The following NBN variants were observed in gnomAD, a reference collection of about 807,000 sequenced individuals.
The protein encoded by NBN is nibrin, also known as Nijmegen breakage syndrome 1 (nibrin).
A neutral mutation model predicts 90.8 loss-of-function variants in NBN; 88 were observed. The ratio of observed to expected loss-of-function variants is 0.97; its 90% CI spans 0.82 to 1.16. The LOEUF (loss-of-function observed/expected upper bound fraction) is 1.16, where lower values mean the gene tolerates loss of function less well. NBN is among the 50% of genes most tolerant of loss of function. The pLI, the probability that NBN is intolerant of heterozygous loss-of-function variation, is 0.00. For missense variants in NBN, 894 were observed against 869.6 expected (o/e 1.03, Z -0.35); for synonymous variants, 328 against 295.1 (o/e 1.11, Z -1.14).
At chr8:89,938,877 T>G (rs973102746) in intron 14 of NBN, among the ~76,000 whole-genome samples, 1 of 152,184 alleles carries the variant, frequency 6.6e-6, no homozygotes, top group African/African-American at 2.4e-5. Flanking sequence ...TTTCTAAACA[T>G]TCTTAGAGGT....
rs777288661 is a variant in NBN, at chr8:89,958,870, G to C, written c.995-16C>G. ...GTCTTTAATCCTGTAAATCACACAA[G>C]TAGAAAGAAAGAATCACAACTGCTA... On this transcript the variant is annotated splice_polypyrimidine_tract_variant and intron_variant, in intron 8 of 15. Coordinates refer to ENST00000265433, the MANE Select transcript of NBN (RefSeq NM_002485.5). 6.2e-7 allele frequency: 1 copy of C among 1,612,938 alleles called. No individual in the cohort carries two copies. Among genetic ancestry groups the C allele is most frequent in the Non-Finnish European group, 8.5e-7 (1 of 1,179,114 alleles).
chr8:89,936,487 A>G (rs1809690227), intron 15 of NBN, among the ~76,000 whole-genome samples: 1 of 152,022 alleles, frequency 6.6e-6, no homozygotes, highest in African/African-American at 2.4e-5. Context: ...TACCTATAAT[A>G]TAGTATTTTA....
intron 7 of NBN, among the ~76,000 whole-genome samples, chr8:89,970,138 A>G (rs1586085723): frequency 1.3e-5 from 2 of 149,544 alleles, no homozygotes; most frequent in Non-Finnish European, 3.0e-5. Flanking sequence ...AATCGCAGCT[A>G]CTCAGGAGAC....
chr8:89,970,256 A>C (rs1220393115), intron 7 of NBN, 108 bp downstream of exon 7: 10 of 1,019,680 alleles, frequency 9.8e-6, no homozygotes, highest in Non-Finnish European at 1.5e-5. Flanking sequence ...TCTCAAAAAA[A>C]AAAAATTCTT....
At chr8:89,976,093 G>A (rs1811741737) in intron 5 of NBN, among the ~76,000 whole-genome samples, 1 of 152,144 alleles carries the variant, frequency 6.6e-6, no homozygotes, top group Admixed American at 6.5e-5. Flanking sequence ...CTGGATTCAA[G>A]GGATTCTTAA....
intron 7 of NBN, among the ~76,000 whole-genome samples, chr8:89,967,432 T>C (rs1038446018): frequency 5.3e-5 from 8 of 152,316 alleles, no homozygotes; most frequent in Admixed American, 2.0e-4. Context: ...GTATTTTAGA[T>C]GACAGATTTT....
At chr8:89,955,141 T>A in intron 10 of NBN, 142 bp downstream of exon 10, 1 of 761,418 alleles carries the variant, frequency 1.3e-6, no homozygotes, top group Non-Finnish European at 2.2e-6. Flanking sequence ...TCAGGGACAT[T>A]TCTGAGAGGG....
At chr8:89,957,929 C>T (rs565610223) in intron 9 of NBN, among the ~76,000 whole-genome samples, 6 of 152,128 alleles carry the variant, frequency 3.9e-5, no homozygotes, top group Non-Finnish European at 7.4e-5. Flanking sequence ...ATTATTATTA[C>T]GTTGTAATAT....
intron 5 of NBN, among the ~76,000 whole-genome samples, chr8:89,971,975 C>T (rs188152953): frequency 6.6e-6 from 1 of 152,292 alleles, no homozygotes; most frequent in East Asian, 1.9e-4. Context: ...TCTTTTGCTA[C>T]AGCTGTTCAT....
chr8:89,947,481 T>C (rs1449997127), intron 12 of NBN, among the ~76,000 whole-genome samples: 1 of 151,720 alleles, frequency 6.6e-6, no homozygotes, highest in South Asian at 2.1e-4. Flanking sequence ...AATTCAAAAT[T>C]AGTCGGGCGT....
intron 7 of NBN, among the ~76,000 whole-genome samples, chr8:89,966,303 T>C (rs1811251123): frequency 6.6e-6 from 1 of 152,148 alleles, no homozygotes; most frequent in Non-Finnish European, 1.5e-5. Flanking sequence ...TAATGATTTA[T>C]AGAAAAGACT....
At chr8:89,955,655 A>G in intron 9 of NBN, 100 bp from the exon 10 acceptor site, 3 of 1,327,812 alleles carry the variant, frequency 2.3e-6, no homozygotes, top group Non-Finnish European at 3.1e-6. Flanking sequence ...ATATAACCTT[A>G]GAAGATAATT....
rs1809606293 is a variant in NBN, at chr8:89,935,126, T to C, written c.*456A>G. 1 of 243,388 alleles carries C rather than the reference T, an allele frequency of 4.1e-6. No individual in the cohort carries two copies. 15.1% of individuals were successfully genotyped at this position (243,388 alleles called of 1,614,324 possible). A position where few individuals can be genotyped will look rare whatever the true frequency, so the allele number is the denominator to read the frequency against. On this transcript the variant is annotated 3_prime_UTR_variant, in exon 16 of 16. Transcript: ENST00000265433. The stretch of plus-strand genomic sequence containing the variant: ...TAATCTACTAAGTAAAAAAGCAAGG[T>C]GTAGAACACTGCATATGTTATGCTA...
chr8:89,981,322 G>T, intron 3 of NBN, 53 bp downstream of exon 3: 1 of 1,524,518 alleles, frequency 6.6e-7, no homozygotes, highest in Non-Finnish European at 9.1e-7. Context: ...TTTCCTTTAG[G>T]ATTTGGCTGA....
chr8:89,982,948 G>GTA, intron 1 of NBN, 93 bp from the exon 2 acceptor site: 1 of 1,286,100 alleles, frequency 7.8e-7, no homozygotes, highest in Non-Finnish European at 1.1e-6. Context: ...TATGATATAG[G>GTA]TATGACAAAT....
In NBN at chr8:89,955,349, T is replaced by C. The variant is rs1237800234; in HGVS notation, c.1331A>G (p.Asp444Gly). 6.2e-7 allele frequency: 1 copy of C among 1,613,838 alleles called. No homozygotes were observed. Among genetic ancestry groups the C allele is most frequent in the Non-Finnish European group, 8.5e-7 (1 of 1,179,806 alleles). The change falls in exon 10 of 16, where the codon GAT becomes GGT. Residue 444 changes from aspartate (D) to glycine (G), a missense_variant. Transcript: ENST00000265433. ...GGTCTGCTGCTGCTGAGAAGCCCTA[T>C]CTTTACTTTTATTTATACTTGGCAA... ...TKLPSINKSK[D>G]RASQQQQTNS...
intron 11 of NBN, among the ~76,000 whole-genome samples, chr8:89,950,736 T>C (rs929893857): frequency 8.4e-6 from 1 of 118,614 alleles, no homozygotes; most frequent in Non-Finnish European, 1.6e-5. Flanking sequence ...AAACCTTACA[T>C]ATTAAATGAA....
intron 5 of NBN, among the ~76,000 whole-genome samples, chr8:89,974,822 C>T (rs1422579085): frequency 6.6e-6 from 1 of 152,198 alleles, no homozygotes; most frequent in Non-Finnish European, 1.5e-5. Flanking sequence ...AAAGGAGGGT[C>T]AAGGCTTTGC....
chr8:89,952,868 A>G (rs1426275522), intron 11 of NBN, among the ~76,000 whole-genome samples: 1 of 152,218 alleles, frequency 6.6e-6, no homozygotes, highest in Non-Finnish European at 1.5e-5. Context: ...GAAAATTCCT[A>G]GTGATGTTAT....
Sources: allele counts gnomAD v4.1 joint callset (sites outside exome capture counted in the v4.1 genomes callset), GRCh38; gene constraint gnomAD v4.1.1; transcripts MANE v1.5; gene names NCBI Gene and HGNC (gene_info 2026-07-23, HGNC 2026-07-21).